SLC6A9: variants seen among roughly 807,000 people sequenced by gnomAD.
The protein encoded by SLC6A9 is solute carrier family 6 member 9.
A neutral mutation model predicts 70.9 loss-of-function variants in SLC6A9; 31 were observed. The ratio of observed to expected loss-of-function variants is 0.44; its 90% CI spans 0.33 to 0.59. SLC6A9 has a LOEUF of 0.59. SLC6A9 is among the 20% of genes least tolerant of loss of function. The pLI, the probability that SLC6A9 is intolerant of heterozygous loss-of-function variation, is 0.04. For synonymous variants in SLC6A9, 310 were observed against 341.3 expected (o/e 0.91, Z 1.01); for missense variants, 631 against 845.2 (o/e 0.75, Z 3.14).
chr1:44,025,767 T>C (rs2154307646), intron 1 of SLC6A9, among the ~76,000 whole-genome samples: 1 of 151,304 alleles, frequency 6.6e-6, no homozygotes, highest in Middle Eastern at 3.4e-3. Flanking sequence ...GCGACTGCAC[T>C]CTAGCTTGGG....
At chr1:44,017,374 C>T in intron 2 of SLC6A9, 3 of 416,818 alleles carry the variant, frequency 7.2e-6, no homozygotes, top group Non-Finnish European at 8.9e-6. Context: ...GAACAACACA[C>T]ACACACACAC....
Position 44,010,730 on chromosome 1 carries a change from C to G in SLC6A9, c.183G>C (p.Gly61=), listed in dbSNP as rs200759115. The G allele has an allele frequency of 1.6e-5, 26 of 1,614,010 alleles. No homozygotes were observed. The highest frequency in any genetic ancestry group is 2.1e-5 in the Non-Finnish European group (25 of 1,179,958). The change falls in exon 3 of 14, where the codon GGG becomes GGC. Residue 61 remains glycine, a synonymous_variant. Coordinates refer to ENST00000372310, the MANE Select transcript of SLC6A9 (RefSeq NM_001024845.3). ...TGCCCTGTGCCCACTGGGTACCTCC[C>G]CCGTTGCGATAGCAGAGGTATGGGA... ...WRFPYLCYRN[G]GGAFMFPYFI...
intron 1 of SLC6A9, among the ~76,000 whole-genome samples, chr1:44,028,024 G>T (rs76485403): frequency 1.3e-5 from 2 of 152,316 alleles, no homozygotes; most frequent in African/African-American, 4.8e-5. Flanking sequence ...GGGTGTAAAA[G>T]ACAAAGATTG....
intron 2 of SLC6A9, among the ~76,000 whole-genome samples, chr1:44,017,800 GATGGCATTAGCCAAGGGGGCAAGTCAT>G (rs1184665838): frequency 6.6e-6 from 1 of 152,264 alleles, no homozygotes; most frequent in Non-Finnish European, 1.5e-5. Flanking sequence ...TCTGGACAAA[GATGGCATTAGCCAAGGGGGCAAGTCAT>G]CCCAGAGTCC....
rs929662685 is a variant in SLC6A9, at chr1:44,010,398, C to T, written c.188-302G>A. ...ATAAGTTGCTGAGATCCTCAACATC[C>T]CTGAACCATTTAGGGGGGCTGCTGA... On this transcript the variant is annotated intron_variant, in intron 3 of 13. Transcript: ENST00000372310. 2.3e-5 allele frequency: 10 copies of T among 441,908 alleles called. No homozygotes were observed. In the South Asian group the frequency reaches 2.7e-4, roughly 12 times the overall value. 27.4% of individuals were successfully genotyped at this position (441,908 alleles called of 1,614,324 possible).
chr1:44,027,907 A>T (rs1312360886), intron 1 of SLC6A9, among the ~76,000 whole-genome samples: 1 of 152,212 alleles, frequency 6.6e-6, no homozygotes, highest in Non-Finnish European at 1.5e-5. Flanking sequence ...TCCAGGAGGC[A>T]GAGGTTGCAG....
At chr1:44,031,152 G>T (rs2087109063) in intron 1 of SLC6A9, among the ~76,000 whole-genome samples, 154 bp downstream of exon 1, 1 of 145,838 alleles carries the variant, frequency 6.9e-6, no homozygotes, top group Non-Finnish European at 1.5e-5. Flanking sequence ...ACAGATGCCC[G>T]CATACATGCG....
At position 44,010,808 on chromosome 1, in the gene SLC6A9, C is replaced by T; in HGVS notation, c.105G>A (p.Glu35=). Residue 35 remains glutamate, a synonymous_variant, in exon 3 of 14, where the codon GAG becomes GAA. Coordinates refer to ENST00000372310, the MANE Select transcript of SLC6A9 (RefSeq NM_001024845.3). The part of the protein sequence containing the change: ...LKRGNWGNQI[E]FVLTSVGYAV... ...CATAGCCCACGCTCGTCAGTACAAA[C>T]TCGATCTGGTTGCCCCAGTTGCCCC... 6.2e-7 allele frequency: 1 copy of T among 1,614,232 alleles called. No homozygotes were observed. Among genetic ancestry groups the T allele is most frequent in the Non-Finnish European group, 8.5e-7 (1 of 1,180,026 alleles).
chr1:44,002,774 C>T lies in SLC6A9; in HGVS notation c.723+79G>A, dbSNP rs143132872. ...TCCGGAGTCCCTTCAGCATCCCCTC[C>T]CTGCAATACACACATAACCCAGGTA... is the stretch of plus-strand genomic sequence containing the variant. On this transcript the variant is annotated intron_variant, in intron 6 of 13. Transcript: ENST00000372310. This position sits in a 1 kb window ranked among gnomAD's most constrained non-coding sequence, Gnocchi z 5.5. The T allele has an allele frequency of 2.5e-4, 398 of 1,597,260 alleles. 1 individual carries two copies. Among genetic ancestry groups the T allele is most frequent in the Middle Eastern group, 1.3e-3 (8 of 6,008 alleles).
Position 44,010,775 on chromosome 1 carries a change from G to C in SLC6A9, c.138C>G (p.Gly46=). 1.2e-6 allele frequency: 2 copies of C among 1,614,206 alleles called. No homozygotes were observed. The highest frequency in any genetic ancestry group is 1.7e-6 in the Non-Finnish European group (2 of 1,180,026). Residue 46 remains glycine, a synonymous_variant, in exon 3 of 14, where the codon GGC becomes GGG. Coordinates refer to ENST00000372310, the MANE Select transcript of SLC6A9 (RefSeq NM_001024845.3). ...ATGGGAAGCGCCAGACATTGCCCAG[G>C]CCCACGGCATAGCCCACGCTCGTCA... ...FVLTSVGYAV[G]LGNVWRFPYL...
At chr1:44,006,778 G>A (rs1483732581) in intron 5 of SLC6A9, among the ~76,000 whole-genome samples, 2 of 152,168 alleles carry the variant, frequency 1.3e-5, no homozygotes, top group African/African-American at 4.8e-5. Context: ...TCTATGCTCT[G>A]GGTCCTTGAG....
chr1:44,002,195 G>C lies in SLC6A9; in HGVS notation c.962+118C>G. Reference sequence around the variant, plus strand: ...ACTTTATCCAGAACCAGTATTCCCAGAACCTCAAGATCATGAGGGGAAAGG... The same window carrying C: ...ACTTTATCCAGAACCAGTATTCCCACAACCTCAAGATCATGAGGGGAAAGG... On this transcript the variant is annotated intron_variant, in intron 8 of 13. Coordinates refer to ENST00000372310, the MANE Select transcript of SLC6A9 (RefSeq NM_001024845.3). This position sits in a 1 kb window ranked among gnomAD's most constrained non-coding sequence, Gnocchi z 5.5. 1 of 716,932 alleles carries C rather than the reference G, an allele frequency of 1.4e-6. No individual in the cohort carries two copies. Among genetic ancestry groups the C allele is most frequent in the East Asian group, 2.6e-5 (1 of 38,088 alleles). 44.4% of individuals were successfully genotyped at this position (716,932 alleles called of 1,614,324 possible).
At chr1:44,014,425 TG>T (rs1241921822) in intron 2 of SLC6A9, among the ~76,000 whole-genome samples, 1 of 151,442 alleles carries the variant, frequency 6.6e-6, no homozygotes, top group East Asian at 2.0e-4. Flanking sequence ...CATGGCGGGG[TG>T]GGGTGAGCTG....
chr1:44,011,464 G>A, intron 2 of SLC6A9: 1 of 1,007,978 alleles, frequency 9.9e-7, no homozygotes, highest in South Asian at 1.4e-5. Context: ...AGCTGAGCCG[G>A]GACAGACATG....
Position 44,002,743 on chromosome 1 carries a change from T to C in SLC6A9, c.724-97A>G. 6.3e-7 allele frequency: 1 copy of C among 1,594,160 alleles called. No homozygotes were observed. The highest frequency in any genetic ancestry group is 1.1e-5 in the South Asian group (1 of 90,058). The stretch of plus-strand genomic sequence containing the variant: ...ATCACCACCAGCCCCCTGGTCCCTC[T>C]CCGGCTCCGGAGTCCCTTCAGCATC... On this transcript the variant is annotated intron_variant, in intron 6 of 13. Transcript: ENST00000372310. The surrounding 1 kb of genome is among the most constrained non-coding windows in gnomAD (Gnocchi z 5.5).
chr1:44,015,241 C>T (rs1300432049), intron 2 of SLC6A9, among the ~76,000 whole-genome samples: 2 of 152,222 alleles, frequency 1.3e-5, no homozygotes, highest in Admixed American at 6.5e-5. Flanking sequence ...TTTGCTGTTG[C>T]ACAGACTCAG....
At chr1:44,011,552 G>A (rs369548630) in intron 2 of SLC6A9, 29 of 1,613,082 alleles carry the variant, frequency 1.8e-5, no homozygotes, top group Non-Finnish European at 1.9e-5. Context: ...GGGGCCCTGG[G>A]GAGCTGACCT....
chr1:44,002,376 C>T lies in SLC6A9; in HGVS notation c.899G>A (p.Gly300Asp). The change falls in exon 8 of 14, where the codon GGC (glycine) becomes GAC (aspartate). Residue 300 changes from glycine to aspartate, a missense_variant. Coordinates refer to ENST00000372310, the MANE Select transcript of SLC6A9 (RefSeq NM_001024845.3). This position sits in a 1 kb window ranked among gnomAD's most constrained non-coding sequence, Gnocchi z 5.5. ...DAASQIFYSL[G>D]CAWGGLITMA... ...GGTGATGAGGCCTCCCCACGCGCAG[C>T]CCAGTGAGTAGAAGATCTGGGAGGC... is the stretch of plus-strand genomic sequence containing the variant. The T allele has an allele frequency of 6.2e-7, 1 of 1,614,098 alleles. No homozygotes were observed.
At chr1:44,009,019 C>CTTTTTTT (rs35340201) in intron 4 of SLC6A9, among the ~76,000 whole-genome samples, 1 of 71,802 alleles carries the variant, frequency 1.4e-5, no homozygotes, top group South Asian at 5.2e-4. Context: ...CGCGCCCGGC[C>CTTTTTTT]TTTTTTTTTT....
Sources: gnomAD v4.1 joint callset for allele counts (sites outside exome capture counted in the v4.1 genomes callset) on GRCh38, gnomAD v4.1.1 for gene constraint, Gnocchi (gnomAD v3.1) non-coding constraint, MANE v1.5 for transcripts, NCBI Gene and HGNC (gene_info 2026-07-23, HGNC 2026-07-21) for gene names.